TRPM2: variants seen among roughly 807,000 people sequenced by gnomAD.
TRPM2 encodes transient receptor potential cation channel subfamily M member 2, also known as estrogen-responsive element-associated gene 1 protein.
In TRPM2, 161 loss-of-function variants were observed where a neutral mutation model predicts 174.0. The ratio of observed to expected loss-of-function variants is 0.93; its 90% CI spans 0.81 to 1.05. The LOEUF (loss-of-function observed/expected upper bound fraction) is 1.05. TRPM2 is among the 50% of genes least tolerant of loss of function. The pLI is 0.00. For missense variants in TRPM2, 2,057 were observed against 2,038.0 expected (o/e 1.01, Z -0.18); for synonymous variants, 954 against 861.3 (o/e 1.11, Z -1.88).
chr21:44,354,780 C>A lies in TRPM2; in HGVS notation c.254+44C>A. 1 of 1,576,374 alleles carries A rather than the reference C, an allele frequency of 6.3e-7. No individual in the cohort carries two copies. The highest frequency in any genetic ancestry group is 8.7e-7 in the Non-Finnish European group (1 of 1,145,586). The stretch of plus-strand genomic sequence containing the variant: ...GTGTAAGACCTCTGACTTCTTCCTT[C>A]CGATCCCACATGGAGTAGCTGATCA... On this transcript the variant is annotated intron_variant, in intron 2 of 31. Coordinates refer to ENST00000397928, the MANE Select transcript of TRPM2 (RefSeq NM_003307.4). The surrounding 1 kb of genome is among the most constrained non-coding windows in gnomAD (Gnocchi z 4.3).
In TRPM2 at chr21:44,438,946, TG is replaced by T; in HGVS notation, c.4168-119del. 2 of 702,594 alleles carry T rather than the reference TG, an allele frequency of 2.8e-6. No homozygotes were observed. Among genetic ancestry groups the T allele is most frequent in the South Asian group, 3.5e-5 (2 of 57,422 alleles). 43.5% of individuals were successfully genotyped at this position (702,594 alleles called of 1,614,324 possible). A position where few individuals can be genotyped will look rare whatever the true frequency, so the allele number is the denominator to read the frequency against. ...TGCAGCCTGAGATGCCGCCTGCCTG[TG>T]GCTCCCAGGGCTGGGCCGCTGCCCA... On this transcript the variant is annotated intron_variant, in intron 29 of 31. Coordinates refer to ENST00000397928, the MANE Select transcript of TRPM2 (RefSeq NM_003307.4). This position sits in a 1 kb window ranked among gnomAD's most constrained non-coding sequence, Gnocchi z 5.9.
At chr21:44,401,642 C>G (rs1364867247) in intron 15 of TRPM2, 39 bp from the exon 16 acceptor site, 1 of 1,604,440 alleles carries the variant, frequency 6.2e-7, no homozygotes, top group East Asian at 2.2e-5. Context: ...GACCCTGGCC[C>G]TGGTGGTCAC....
In TRPM2 at chr21:44,390,976, G is replaced by A. The variant is rs762016604; in HGVS notation, c.1391G>A (p.Arg464His). The A allele has an allele frequency of 2.9e-5, 46 of 1,613,950 alleles. No homozygotes were observed. The highest frequency in any genetic ancestry group is 3.6e-5 in the Non-Finnish European group (43 of 1,180,030). ...CTGAAACTGGCAGTGGCATGGAATCGCGTGGACATTGCCCGCAGTGAGATC... is the reference window on the plus strand; with the variant it reads ...CTGAAACTGGCAGTGGCATGGAATCACGTGGACATTGCCCGCAGTGAGATC... Reference protein sequence around the residue: ...HQLKLAVAWNRVDIARSEIFM... With the variant: ...HQLKLAVAWNHVDIARSEIFM... The change falls in exon 10 of 32, where the codon CGC (arginine) becomes CAC (histidine). Residue 464 changes from arginine to histidine, a missense_variant. Coordinates refer to ENST00000397928, the MANE Select transcript of TRPM2 (RefSeq NM_003307.4).
chr21:44,411,073 G>A (rs544956426), intron 19 of TRPM2, among the ~76,000 whole-genome samples: 2 of 151,368 alleles, frequency 1.3e-5, no homozygotes, highest in African/African-American at 2.5e-5. Context: ...CTGTCTTGGT[G>A]AGCGTAGCCT....
At chr21:44,425,921 C>G in intron 25 of TRPM2, 94 bp downstream of exon 25, 1 of 1,352,658 alleles carries the variant, frequency 7.4e-7, no homozygotes, top group Non-Finnish European at 9.6e-7. Context: ...TTAATCCTGG[C>G]TCCCAGCCAC....
chr21:44,413,393 C>G (rs2050170686), intron 19 of TRPM2, among the ~76,000 whole-genome samples: 1 of 152,094 alleles, frequency 6.6e-6, no homozygotes, highest in African/African-American at 2.4e-5. Flanking sequence ...TAGGCGCCCG[C>G]CACCATGCCT....
chr21:44,406,467 G>C, intron 18 of TRPM2, 127 bp from the exon 19 acceptor site: 1 of 1,191,728 alleles, frequency 8.4e-7, no homozygotes, highest in Non-Finnish European at 1.1e-6. Flanking sequence ...CTGCTCCTGG[G>C]AGCCTCCTGC....
intron 19 of TRPM2, among the ~76,000 whole-genome samples, chr21:44,409,074 AT>A (rs1171221936): frequency 6.6e-6 from 1 of 151,884 alleles, no homozygotes; most frequent in African/African-American, 2.4e-5. Context: ...TATGATTTGA[AT>A]TTTTTTTGTC....
Position 44,391,258 on chromosome 21 carries a change from A to G in TRPM2, c.1441-14A>G, listed in dbSNP as rs768284588. 5 of 1,607,828 alleles carry G rather than the reference A, an allele frequency of 3.1e-6. No individual in the cohort carries two copies. In the South Asian group the frequency reaches 3.3e-5, roughly 11 times the overall value. On this transcript the variant is annotated splice_polypyrimidine_tract_variant and intron_variant, in intron 10 of 31. Coordinates refer to ENST00000397928, the MANE Select transcript of TRPM2 (RefSeq NM_003307.4). This position sits in a 1 kb window ranked among gnomAD's most constrained non-coding sequence, Gnocchi z 5.0. ...GACCAAATGCAACCGTCACTGCACA[A>G]TGCTTGCTCTCAGCCTTCAGATCTG...
intron 19 of TRPM2, among the ~76,000 whole-genome samples, chr21:44,408,600 A>G (rs2049983877): frequency 6.6e-6 from 1 of 150,774 alleles, no homozygotes; most frequent in African/African-American, 2.4e-5. Flanking sequence ...CTCCTCTGCT[A>G]ACCTCGTCGT....
rs577000818 is a variant in TRPM2, at chr21:44,354,523, G to A, written c.166-125G>A. The A allele has an allele frequency of 1.5e-4, 115 of 782,346 alleles. 1 individual carries two copies. Among genetic ancestry groups the A allele is most frequent in the South Asian group, 1.4e-3 (83 of 61,466 alleles). 48.5% of individuals were successfully genotyped at this position (782,346 alleles called of 1,614,324 possible). On this transcript the variant is annotated intron_variant, in intron 1 of 31. Coordinates refer to ENST00000397928, the MANE Select transcript of TRPM2 (RefSeq NM_003307.4). This position sits in a 1 kb window ranked among gnomAD's most constrained non-coding sequence, Gnocchi z 4.3. ...TGCTTCTAATCTTTGGCTCAGGGTCGCGCAGGCTTCCTTCCTTCAAGCAAA... is the reference window on the plus strand; with the variant it reads ...TGCTTCTAATCTTTGGCTCAGGGTCACGCAGGCTTCCTTCCTTCAAGCAAA...
chr21:44,400,220 G>T (rs750367066), intron 14 of TRPM2, 39 bp from the exon 15 acceptor site: 3 of 1,573,790 alleles, frequency 1.9e-6, no homozygotes, highest in South Asian at 2.3e-5. Context: ...TGGGGCACAG[G>T]GCTGGGCACT....
At chr21:44,403,697 A>G (rs111213097) in intron 16 of TRPM2, among the ~76,000 whole-genome samples, 3 of 150,526 alleles carry the variant, frequency 2.0e-5, no homozygotes, top group African/African-American at 7.4e-5. Flanking sequence ...ATGCACACAT[A>G]TACACATGCA....
chr21:44,400,303 TG>T lies in TRPM2; in HGVS notation c.2256del (p.Leu753CysfsTer4). 1 of 1,612,772 alleles carries T rather than the reference TG, an allele frequency of 6.2e-7. No individual in the cohort carries two copies. Among genetic ancestry groups the T allele is most frequent in the Non-Finnish European group, 8.5e-7 (1 of 1,179,840 alleles). On this transcript the variant is annotated frameshift_variant, in exon 15 of 32. Transcript: ENST00000397928. LOFTEE classifies it high-confidence loss of function. ...GGTGGGGCCAGCTCTCCGTGGACAA[TG>T]GGCTGTGGCGTGTGACCCTGTGCAT... ...VWWGQLSVDN[G>X]LWRVTLCMLA...
At position 44,405,150 on chromosome 21, in the gene TRPM2, T is replaced by C; in HGVS notation, c.2547T>C (p.Tyr849=). The change falls in exon 17 of 32, where the codon TAT becomes TAC. Residue 849 remains tyrosine (Y), a synonymous_variant. Transcript: ENST00000397928. ...LVCEEMRQLF[Y]DPDECGLMKK... is the part of the protein sequence containing the mutation. ...GCCCCTCTTCCCAGTAGCTCTTCTA[T>C]GACCCTGACGAGTGCGGGCTGATGA... The C allele has an allele frequency of 1.2e-6, 2 of 1,613,462 alleles. No homozygotes were observed. Among genetic ancestry groups the C allele is most frequent in the South Asian group, 1.1e-5 (1 of 91,088 alleles).
rs530140898 is a variant in TRPM2 at position 44,404,957 on chromosome 21, CTG to C, written c.2539-182_2539-181del. ...GTGATAGTGATGATAGTGACAGTGA[CTG>C]TGATGATAGTGGATAGTGATATGAC... On this transcript the variant is annotated intron_variant, in intron 16 of 31. Transcript: ENST00000397928. Among the ~76,000 whole-genome samples the C allele has an allele frequency of 8.5e-4, 113 of 133,070 alleles. 1 individual carries two copies. Among genetic ancestry groups the C allele is most frequent in the African/African-American group, 2.9e-3 (110 of 37,440 alleles). 87.3% of individuals were successfully genotyped at this position (133,070 alleles called of 152,430 possible).
chr21:44,436,976 C>T (rs2051293527), intron 28 of TRPM2, 86 bp from the exon 29 acceptor site: 10 of 1,248,634 alleles, frequency 8.0e-6, no homozygotes, highest in Admixed American at 2.1e-5. Flanking sequence ...CACTGCCCCG[C>T]CCCAGGCAGG....
rs201253520 is a variant in TRPM2 at position 44,366,784 on chromosome 21, A to C, written c.454A>C (p.Ser152Arg). The C allele has an allele frequency of 1.1e-5, 17 of 1,613,356 alleles. No homozygotes were observed. Among genetic ancestry groups the C allele is most frequent in the Non-Finnish European group, 1.4e-5 (17 of 1,179,906 alleles). ...CCGAGTCTCCCAGGACACGCCCTCC[A>C]GCGTGATCTACCACCTCATGACCCA... ...YVRVSQDTPSSVIYHLMTQHW... is the reference protein window; with the variant it reads ...YVRVSQDTPSRVIYHLMTQHW... Residue 152 changes from serine (S) to arginine (R), a missense_variant, in exon 4 of 32, where the codon AGC becomes CGC. Coordinates refer to ENST00000397928, the MANE Select transcript of TRPM2 (RefSeq NM_003307.4). The surrounding 1 kb of genome is among the most constrained non-coding windows in gnomAD (Gnocchi z 6.0).
intron 29 of TRPM2, 120 bp downstream of exon 29, chr21:44,437,287 AG>A: frequency 2.1e-6 from 2 of 962,792 alleles, no homozygotes; most frequent in Non-Finnish European, 3.1e-6. Flanking sequence ...GCCCCTGGGC[AG>A]GGAGGGTTCG....
Sources: allele counts gnomAD v4.1 joint callset (sites outside exome capture counted in the v4.1 genomes callset), GRCh38; gene constraint gnomAD v4.1.1; non-coding constraint Gnocchi (gnomAD v3.1); transcripts MANE v1.5; gene names NCBI Gene and HGNC (gene_info 2026-07-23, HGNC 2026-07-21).